FANCC: variants seen among roughly 807,000 people sequenced by gnomAD.
FANCC encodes Fanconi anemia group C protein.
Under a neutral mutation model 71.3 loss-of-function variants are expected in FANCC, and 55 were observed. That is an observed-to-expected ratio of 0.77 (90% confidence interval 0.62 to 0.97). The LOEUF is 0.97. FANCC is among the 50% of genes least tolerant of loss of function. The pLI, the probability that FANCC is intolerant of heterozygous loss-of-function variation, is 0.00. For synonymous variants in FANCC, 275 were observed against 244.9 expected, an observed-to-expected ratio of 1.12 and a Z score of -1.15; for missense variants, 678 against 670.9, an observed-to-expected ratio of 1.01 and a Z score of -0.12.
intron 4 of FANCC, among the ~76,000 whole-genome samples, chr9:95,179,678 T>C (rs1036484357): frequency 2.2e-4 from 33 of 152,212 alleles, no homozygotes; most frequent in African/African-American, 8.0e-4. Context: ...TAAAAAGTTA[T>C]ATGGGTGTAC....
In FANCC at chr9:95,100,401, G is replaced by T. The variant is rs1018253643; in HGVS notation, c.*1306C>A. 12 of 231,234 alleles carry T rather than the reference G, an allele frequency of 5.2e-5. No homozygotes were observed. The highest frequency in any genetic ancestry group is 1.3e-3 in the Middle Eastern group (1 of 794). The allele number at this position is 231,234 out of a possible 1,614,324, so 14.3% of individuals were successfully genotyped here. Reference sequence around the variant, plus strand: ...TAGCATTGCCACATACCAAAATAAGGAATTTCCCTAAAGGTTAACTTCTAA... The same window carrying T: ...TAGCATTGCCACATACCAAAATAAGTAATTTCCCTAAAGGTTAACTTCTAA... On this transcript the variant is annotated 3_prime_UTR_variant, in exon 15 of 15. Transcript: ENST00000289081.
chr9:95,148,699 G>A (rs1041370984), intron 7 of FANCC, among the ~76,000 whole-genome samples: 2 of 152,168 alleles, frequency 1.3e-5, no homozygotes, highest in African/African-American at 4.8e-5. Flanking sequence ...AATGAACCAT[G>A]CATAATGCTA....
intron 4 of FANCC, among the ~76,000 whole-genome samples, chr9:95,199,436 C>T (rs1413339305): frequency 6.6e-6 from 1 of 152,152 alleles, no homozygotes; most frequent in African/African-American, 2.4e-5. Flanking sequence ...TCCCTCTCCT[C>T]ACCTACTAAA....
chr9:95,190,281 C>T (rs1827004112), intron 4 of FANCC, among the ~76,000 whole-genome samples: 1 of 152,130 alleles, frequency 6.6e-6, no homozygotes. Flanking sequence ...CTCGCCAGGA[C>T]CCTCCGCAGC....
chr9:95,286,347 C>T (rs1833686787), intron 1 of FANCC, among the ~76,000 whole-genome samples: 1 of 152,154 alleles, frequency 6.6e-6, no homozygotes, highest in Admixed American at 6.5e-5. Flanking sequence ...TGACTGTATC[C>T]TAGGCCAATA....
At chr9:95,202,589 C>T (rs1012762385) in intron 4 of FANCC, among the ~76,000 whole-genome samples, 35 of 152,362 alleles carry the variant, frequency 2.3e-4, no homozygotes, top group African/African-American at 8.2e-4. Flanking sequence ...TGTTATGGGA[C>T]TCTTTTTCTA....
chr9:95,292,347 T>TCGGAGG lies in FANCC; in HGVS notation c.-79+25173_-79+25178dup, dbSNP rs1046704750. The stretch of plus-strand genomic sequence containing the variant: ...CCGCCCTGCGGGAGCCATGGCGGCC[T>TCGGAGG]CGGAGGCGGTGGCGGCGGCGGGGTC... On this transcript the variant is annotated intron_variant, in intron 1 of 14. Coordinates refer to ENST00000289081, the MANE Select transcript of FANCC (RefSeq NM_000136.3). The TCGGAGG allele has an allele frequency of 8.7e-6, 8 of 922,392 alleles. No homozygotes were observed. In the African/African-American group the frequency reaches 1.1e-4, roughly 12 times the overall value. The allele number at this position is 922,392 out of a possible 1,614,324, so 57.1% of individuals were successfully genotyped here.
intron 4 of FANCC, among the ~76,000 whole-genome samples, chr9:95,208,057 C>T (rs562110785): frequency 6.8e-5 from 9 of 132,572 alleles, no homozygotes; most frequent in Non-Finnish European, 1.3e-4. Context: ...TCTGTAAATG[C>T]CTTCTGCTAA....
chr9:95,249,316 T>G lies in FANCC; in HGVS notation c.-25A>C, dbSNP rs56095406. 1 of 1,612,302 alleles carries G rather than the reference T, an allele frequency of 6.2e-7. No individual in the cohort carries two copies. Among genetic ancestry groups the G allele is most frequent in the East Asian group, 2.2e-5 (1 of 44,842 alleles). On this transcript the variant is annotated 5_prime_UTR_variant, in exon 2 of 15. Coordinates refer to ENST00000289081, the MANE Select transcript of FANCC (RefSeq NM_000136.3). Reference sequence around the variant, plus strand: ...TCTTGGAAAAAGCGAAAAGGTGATGTCCCTTCACAGCAGCCTGTCCAGCAC... The same window carrying G: ...TCTTGGAAAAAGCGAAAAGGTGATGGCCCTTCACAGCAGCCTGTCCAGCAC...
chr9:95,194,677 A>C (rs1037166832), intron 4 of FANCC, among the ~76,000 whole-genome samples: 2 of 151,696 alleles, frequency 1.3e-5, no homozygotes, highest in Non-Finnish European at 2.9e-5. Flanking sequence ...TTCGTGAAAT[A>C]GTGTTTGCCC....
chr9:95,151,991 C>A (rs977233663), intron 6 of FANCC, among the ~76,000 whole-genome samples: 2 of 151,744 alleles, frequency 1.3e-5, no homozygotes, highest in African/African-American at 4.8e-5. Flanking sequence ...AAGACCACAC[C>A]AATTTACTTT....
chr9:95,138,597 A>T (rs555499550), intron 7 of FANCC, among the ~76,000 whole-genome samples: 1 of 152,160 alleles, frequency 6.6e-6, no homozygotes, highest in East Asian at 1.9e-4. Context: ...TTCAGGATCC[A>T]TGTAACACGA....
chr9:95,226,983 G>A lies in FANCC; in HGVS notation c.345+13666C>T, dbSNP rs532825328. On this transcript the variant is annotated intron_variant, in intron 4 of 14. Coordinates refer to ENST00000289081, the MANE Select transcript of FANCC (RefSeq NM_000136.3). ...TTCTACCCCCACAGGCACAGCTGAC[G>A]GTTCTGTGGAGACTGCAGTGCAGCT... Among the ~76,000 whole-genome samples the A allele has an allele frequency of 3.3e-5, 5 of 152,248 alleles. 1 individual carries two copies. Among genetic ancestry groups the A allele is most frequent in the South Asian group, 4.1e-4 (2 of 4,820 alleles).
At chr9:95,284,533 T>G (rs1229362523) in intron 1 of FANCC, among the ~76,000 whole-genome samples, 1 of 152,130 alleles carries the variant, frequency 6.6e-6, no homozygotes, top group East Asian at 1.9e-4. Context: ...AGACTCAAAT[T>G]TAAATAAACT....
chr9:95,131,974 TTAGA>T (rs1409807076), intron 8 of FANCC, among the ~76,000 whole-genome samples: 3 of 152,248 alleles, frequency 2.0e-5, no homozygotes, highest in Non-Finnish European at 2.9e-5. Flanking sequence ...TAAGTTCTTA[TTAGA>T]TAAAGTAATC....
chr9:95,311,233 CAAAAAAA>C (rs10710492), intron 1 of FANCC, among the ~76,000 whole-genome samples: 7 of 76,032 alleles, frequency 9.2e-5, no homozygotes, highest in Non-Finnish European at 1.2e-4. Flanking sequence ...GATTCCGTCT[CAAAAAAA>C]AAAAAAAAAA....
At chr9:95,139,510 T>A (rs1380742748) in intron 7 of FANCC, among the ~76,000 whole-genome samples, 1 of 152,106 alleles carries the variant, frequency 6.6e-6, no homozygotes, top group Non-Finnish European at 1.5e-5. Flanking sequence ...AACACTGCAG[T>A]GTGCACCCAC....
intron 1 of FANCC, 104 bp from the exon 2 acceptor site, chr9:95,249,473 C>T (rs565592561): frequency 7.9e-6 from 5 of 629,436 alleles, no homozygotes; most frequent in Admixed American, 5.3e-5. Context: ...ACTAAAATAG[C>T]ATGGCTTCTA....
At chr9:95,172,541 A>ACAT (rs1825755288) in intron 4 of FANCC, among the ~76,000 whole-genome samples, 1 of 152,130 alleles carries the variant, frequency 6.6e-6, no homozygotes, top group African/African-American at 2.4e-5. Context: ...CAAGGGTGGC[A>ACAT]CATTGCACAC....
Sources: allele counts gnomAD v4.1 joint callset (sites outside exome capture counted in the v4.1 genomes callset), GRCh38; gene constraint gnomAD v4.1.1; transcripts MANE v1.5; gene names NCBI Gene and HGNC (gene_info 2026-07-23, HGNC 2026-07-21).